Variants in BUD23 observed in about 807,000 individuals in gnomAD.
BUD23 encodes 18S rRNA (guanine-N(7))-methyltransferase.
BUD23 carries 34 observed loss-of-function variants against 47.0 expected under a neutral mutation model. The ratio of observed to expected loss-of-function variants is 0.72; its 90% CI spans 0.55 to 0.96. The LOEUF (loss-of-function observed/expected upper bound fraction) is 0.96, where lower values mean the gene tolerates loss of function less well. Ranked by LOEUF, BUD23 falls within the 40% of genes least tolerant of loss-of-function variation. BUD23 has a pLI of 0.00. For synonymous variants in BUD23, 124 were observed against 132.0 expected (o/e 0.94, Z 0.41); for missense variants, 343 against 361.2 (o/e 0.95, Z 0.41).
chr7:73,694,274 G>A (rs1798310011), intron 10 of BUD23: 2 of 512,182 alleles, frequency 3.9e-6, no homozygotes, highest in Non-Finnish European at 6.8e-6. Flanking sequence ...CTCCCTTTGT[G>A]AGCCCACACA....
At chr7:73,692,536 T>G (rs886278281) in intron 6 of BUD23, 60 bp from the exon 7 acceptor site, 29 of 1,507,450 alleles carry the variant, frequency 1.9e-5, no homozygotes, top group Non-Finnish European at 2.7e-5. Context: ...AAGAGAGGGG[T>G]GTCCAGGCCC....
chr7:73,684,740 TGGCGAAAC>T (rs1554612555), intron 2 of BUD23, among the ~76,000 whole-genome samples: 3 of 149,470 alleles, frequency 2.0e-5, no homozygotes, highest in African/African-American at 4.9e-5. Flanking sequence ...CTGGCCAACA[TGGCGAAAC>T]TCCAGCTCTA....
At chr7:73,697,464 AG>A in intron 10 of BUD23, 140 bp from the exon 11 acceptor site, 2 of 1,545,190 alleles carry the variant, frequency 1.3e-6, no homozygotes, top group Non-Finnish European at 1.7e-6. Flanking sequence ...ATTGTGTTAT[AG>A]GGAAGGTGGA....
chr7:73,692,998 G>C, intron 7 of BUD23: 1 of 541,840 alleles, frequency 1.8e-6, no homozygotes, highest in Non-Finnish European at 3.3e-6. Flanking sequence ...TGTAGATGTT[G>C]AAAGATAAGT....
chr7:73,692,133 C>T (rs782484175), intron 6 of BUD23, among the ~76,000 whole-genome samples: 4 of 152,146 alleles, frequency 2.6e-5, no homozygotes, highest in Non-Finnish European at 5.9e-5. Flanking sequence ...TATCTGGCCG[C>T]TGGTCTTGTG....
At position 73,694,200 on chromosome 7, in the gene BUD23, CTG is replaced by C. The variant is rs35535181; in HGVS notation, c.701+153_701+154del. 2.8e-3 allele frequency: 2,308 copies of C among 832,108 alleles called. 36 individuals carry two copies. The African/African-American group carries it at 0.033, about 12-fold the overall frequency. The allele number at this position is 832,108 out of a possible 1,614,324, so 51.5% of individuals were successfully genotyped here. A position where few individuals can be genotyped will look rare whatever the true frequency, so the allele number is the denominator to read the frequency against. On this transcript the variant is annotated intron_variant, in intron 10 of 11. Transcript: ENST00000265758. Reference sequence around the variant, plus strand: ...GTAGAAACATCAGGTCCCATTTGGACTGTGCCTGTTTGGGGCTAGGGGTTTGG... The same window carrying C: ...GTAGAAACATCAGGTCCCATTTGGACTGCCTGTTTGGGGCTAGGGGTTTGG...
chr7:73,698,136 G>GAT lies in BUD23; in HGVS notation c.*250_*251insAT. ...CATAATGAAACTTCCTTTCCAGGGAGGAAAAAAAAAAAAAAAAAAAGCTCT... is the reference window on the plus strand; with the variant it reads ...CATAATGAAACTTCCTTTCCAGGGAGATGAAAAAAAAAAAAAAAAAAAGCTCT... On this transcript the variant is annotated 3_prime_UTR_variant, in exon 12 of 12. Transcript: ENST00000265758. The GAT allele has an allele frequency of 9.2e-6, 1 of 108,426 alleles. No individual in the cohort carries two copies. Among genetic ancestry groups the GAT allele is most frequent in the Non-Finnish European group, 1.9e-5 (1 of 51,718 alleles). The allele number at this position is 108,426 out of a possible 1,614,324, so 6.7% of individuals were successfully genotyped here. A position where few individuals can be genotyped will look rare whatever the true frequency, so the allele number is the denominator to read the frequency against.
In BUD23 at chr7:73,683,664, C is replaced by T. The variant is rs782615115; in HGVS notation, c.39C>T (p.Pro13=). The change falls in exon 1 of 12, where the codon CCC becomes CCT. Residue 13 remains proline (P), a synonymous_variant. Transcript: ENST00000265758. ...GCCGGCGTCCGGAGCATGGCGGACC[C>T]CCAGAGCTGGTAAGTCCCGGGGCCC... ...SRGRRPEHGG[P]PELFYDETEA... is the part of the protein sequence containing the mutation. 5 of 1,613,292 alleles carry T rather than the reference C, an allele frequency of 3.1e-6. No homozygotes were observed. In the African/African-American group the frequency reaches 4.0e-5, roughly 13 times the overall value.
chr7:73,690,219 G>T (rs888887459), intron 5 of BUD23, among the ~76,000 whole-genome samples: 6 of 152,118 alleles, frequency 3.9e-5, no homozygotes, highest in Non-Finnish European at 1.5e-5. Flanking sequence ...TGGTCAGGCT[G>T]GTCTCGAACT....
At chr7:73,689,210 T>C (rs1554613639) in intron 5 of BUD23, among the ~76,000 whole-genome samples, 1 of 152,084 alleles carries the variant, frequency 6.6e-6, no homozygotes, top group African/African-American at 2.4e-5. Context: ...CCACCATGCT[T>C]GGCTAATTTT....
At chr7:73,688,686 C>G (rs1348818932) in intron 5 of BUD23, among the ~76,000 whole-genome samples, 1 of 152,158 alleles carries the variant, frequency 6.6e-6, no homozygotes. Context: ...TTTTCTTAGG[C>G]TGCTGTGATC....
chr7:73,685,937 A>G (rs1166862103), intron 2 of BUD23, among the ~76,000 whole-genome samples: 2 of 75,738 alleles, frequency 2.6e-5, no homozygotes, highest in Non-Finnish European at 3.9e-5. Flanking sequence ...TGAAAATGCA[A>G]AAAAAAAAAT....
chr7:73,694,266 C>A (rs1706982829), intron 10 of BUD23: 1 of 519,928 alleles, frequency 1.9e-6, no homozygotes, highest in South Asian at 2.9e-5. Flanking sequence ...AGCCTGGACT[C>A]CCTTTGTGAG....
At chr7:73,683,835 C>T in intron 2 of BUD23, 31 bp downstream of exon 2, 2 of 1,614,066 alleles carry the variant, frequency 1.2e-6, no homozygotes, top group East Asian at 2.2e-5. Flanking sequence ...GCGGGGCGTC[C>T]GGGGGTCGGG....
In BUD23 at chr7:73,683,600, C is replaced by A. The variant is rs562873873; in HGVS notation, c.-26C>A. ...AAACCGGGTGCCGGCAGGCGCCAGT[C>A]GCAGGTGTGCTGCTGAGGCGTGAGA... On this transcript the variant is annotated 5_prime_UTR_variant, in exon 1 of 12. Transcript: ENST00000265758. 15 of 1,594,738 alleles carry A rather than the reference C, an allele frequency of 9.4e-6. No homozygotes were observed. The highest frequency in any genetic ancestry group is 1.2e-5 in the Non-Finnish European group (14 of 1,171,804).
intron 5 of BUD23, 61 bp downstream of exon 5, chr7:73,687,156 G>A (rs1798007318): frequency 6.5e-7 from 1 of 1,548,966 alleles, no homozygotes; most frequent in East Asian, 2.3e-5. Flanking sequence ...CTATCACTTA[G>A]GCTCTAGTGC....
Position 73,684,507 on chromosome 7 carries a change from C to T in BUD23, c.86+703C>T, listed in dbSNP as rs533892829. Among the ~76,000 whole-genome samples the T allele has an allele frequency of 5.1e-4, 77 of 151,256 alleles. 1 individual carries two copies. The highest frequency in any genetic ancestry group is 3.1e-3 in the South Asian group (15 of 4,812). On this transcript the variant is annotated intron_variant, in intron 2 of 11. Transcript: ENST00000265758. Reference sequence around the variant, plus strand: ...GTTGCGATGGGGTCTCGCTGTGTTGCCCAAGGTGGCCCAAGCCCAGGGCTC... The same window carrying T: ...GTTGCGATGGGGTCTCGCTGTGTTGTCCAAGGTGGCCCAAGCCCAGGGCTC...
chr7:73,697,471 G>T (rs892532782), intron 10 of BUD23, 134 bp from the exon 11 acceptor site: 2 of 1,549,496 alleles, frequency 1.3e-6, no homozygotes, highest in African/African-American at 2.7e-5. Context: ...TATAGGGAAG[G>T]TGGAGCATTT....
intron 10 of BUD23, 172 bp downstream of exon 10, chr7:73,694,222 G>A (rs1453234450): frequency 1.5e-6 from 1 of 672,558 alleles, no homozygotes; most frequent in Non-Finnish European, 2.4e-6. Flanking sequence ...GGGGCTAGGG[G>A]TTTGGGGTCC....
Sources: allele counts gnomAD v4.1 joint callset (sites outside exome capture counted in the v4.1 genomes callset), GRCh38; gene constraint gnomAD v4.1.1; transcripts MANE v1.5; gene names NCBI Gene and HGNC (gene_info 2026-07-23, HGNC 2026-07-21).